The following CLXN variants were observed in gnomAD, a reference collection of about 807,000 sequenced individuals.
CLXN encodes the protein EF-hand calcium binding domain 1.
chr8:48,727,888 G>A, the CLXN span, among the ~76,000 whole-genome samples: 1 of 152,120 alleles, frequency 6.6e-6, no homozygotes, highest in South Asian at 2.1e-4. Context: ...ATATTTTGGA[G>A]GTGTAGCTAA....
chr8:48,733,140 C>CT, the CLXN span, among the ~76,000 whole-genome samples: 1 of 151,978 alleles, frequency 6.6e-6, no homozygotes, highest in Non-Finnish European at 1.5e-5. Context: ...CACAAACCTC[C>CT]TAAAAAGCAA....
the CLXN span, chr8:48,735,209 A>G: frequency 0.011 from 17,279 of 1,601,814 alleles, 109 homozygotes; most frequent in Non-Finnish European, 0.013. Flanking sequence ...GGCTACCGAG[A>G]CCCTCGCGGG....
chr8:48,733,197 ACT>A, the CLXN span, among the ~76,000 whole-genome samples: 1 of 152,090 alleles, frequency 6.6e-6, no homozygotes, highest in African/African-American at 2.4e-5. Context: ...AGAATGATGT[ACT>A]CTGTTCATGT....
At chr8:48,711,810 T>C in the CLXN span, 5 of 152,228 alleles carry the variant, frequency 3.3e-5, no homozygotes, top group Admixed American at 2.6e-4. Flanking sequence ...TGCCCTTTTC[T>C]AGTTGAGACA....
the CLXN span, among the ~76,000 whole-genome samples, chr8:48,726,272 C>T: frequency 8.4e-6 from 1 of 119,388 alleles, no homozygotes. Context: ...TCTATCTATC[C>T]ATCCATCCAT....
the CLXN span, among the ~76,000 whole-genome samples, chr8:48,726,118 CCATCCA>C: frequency 7.5e-6 from 1 of 133,384 alleles, no homozygotes; most frequent in African/African-American, 2.9e-5. Context: ...CCCACTCCAT[CCATCCA>C]TCCATCCATC....
At chr8:48,735,050 C>T in the CLXN span, 30 of 1,605,948 alleles carry the variant, frequency 1.9e-5, no homozygotes, top group Middle Eastern at 1.7e-4. Flanking sequence ...GACCCAGGCT[C>T]GGTCCAGGAG....
the CLXN span, chr8:48,734,433 C>T: frequency 6.6e-6 from 1 of 152,168 alleles, no homozygotes. Context: ...GAGCAGGTGC[C>T]TTCAAATAGG....
chr8:48,733,583 G>A, the CLXN span, among the ~76,000 whole-genome samples: 2 of 152,018 alleles, frequency 1.3e-5, no homozygotes, highest in Non-Finnish European at 1.5e-5. Context: ...AAGTTCTTCC[G>A]TTAAAGAAAA....
chr8:48,731,598 G>T, the CLXN span: 110 of 992,790 alleles, frequency 1.1e-4, no homozygotes, highest in African/African-American at 1.7e-3. Flanking sequence ...CAACGTCAAA[G>T]ACATCAAATA....
chr8:48,733,753 CT>C, the CLXN span, among the ~76,000 whole-genome samples: 1 of 152,244 alleles, frequency 6.6e-6, no homozygotes, highest in Admixed American at 6.5e-5. Flanking sequence ...AAAATATACA[CT>C]CACCTTTTGA....
the CLXN span, among the ~76,000 whole-genome samples, chr8:48,717,463 T>G: frequency 6.4e-4 from 97 of 152,218 alleles, 1 homozygote; most frequent in Non-Finnish European, 1.6e-4. Flanking sequence ...AAGGGAGAGA[T>G]AAAGTCTTTC....
At chr8:48,726,270 T>A in the CLXN span, among the ~76,000 whole-genome samples, 13 of 112,292 alleles carry the variant, frequency 1.2e-4, 1 homozygote, top group African/African-American at 6.9e-4. Flanking sequence ...CATCTATCTA[T>A]CCATCCATCC....
the CLXN span, among the ~76,000 whole-genome samples, chr8:48,719,384 TA>T: frequency 4.6e-5 from 7 of 151,632 alleles, no homozygotes; most frequent in Admixed American, 6.6e-5. Context: ...TAAACTCCTC[TA>T]AAAAAATAGA....
At chr8:48,729,705 A>T in the CLXN span, 1 of 1,586,554 alleles carries the variant, frequency 6.3e-7, no homozygotes, top group South Asian at 1.1e-5. Context: ...AAAACTTGAC[A>T]TTACCCATAT....
At chr8:48,726,197 A>C in the CLXN span, among the ~76,000 whole-genome samples, 1 of 126,546 alleles carries the variant, frequency 7.9e-6, no homozygotes, top group Non-Finnish European at 1.6e-5. Flanking sequence ...TCATCCATCC[A>C]TCTATCTACC....
the CLXN span, among the ~76,000 whole-genome samples, chr8:48,733,160 G>GTTGT: frequency 6.6e-6 from 1 of 152,102 alleles, no homozygotes; most frequent in African/African-American, 2.4e-5. Flanking sequence ...AGAGCTGTTA[G>GTTGT]TTGTTGCGGA....
the CLXN span, chr8:48,729,946 G>A: frequency 4.9e-6 from 7 of 1,424,512 alleles, no homozygotes; most frequent in Non-Finnish European, 5.7e-6. Flanking sequence ...ACTTTTCAGG[G>A]CCAAGTTCTA....
chr8:48,733,139 C>T, the CLXN span, among the ~76,000 whole-genome samples: 26 of 151,984 alleles, frequency 1.7e-4, no homozygotes, highest in Non-Finnish European at 3.5e-4. Context: ...ACACAAACCT[C>T]CTAAAAAGCA....
Sources: gnomAD v4.1 joint callset for allele counts (sites outside exome capture counted in the v4.1 genomes callset) on GRCh38, gnomAD v4.1.1 for gene constraint, MANE v1.5 for transcripts, NCBI Gene and HGNC (gene_info 2026-07-23, HGNC 2026-07-21) for gene names.